The following GALNT13 variants were observed in gnomAD, a reference collection of about 807,000 sequenced individuals.
GALNT13 encodes UDP-GalNAc:polypeptide N-acetylgalactosaminyltransferase 13.
GALNT13 carries 28 observed loss-of-function variants against 64.2 expected under a neutral mutation model. That is an observed-to-expected ratio of 0.44 (90% CI 0.32 to 0.60). The LOEUF is 0.60. Ranked by LOEUF, GALNT13 falls within the 20% of genes least tolerant of loss-of-function variation. The pLI, the probability that GALNT13 is intolerant of heterozygous loss-of-function variation, is 0.05. For missense variants in GALNT13, 577 were observed against 669.8 expected (o/e 0.86, Z 1.53); for synonymous variants, 214 against 224.6 (o/e 0.95, Z 0.42).
the GALNT13 span, among the ~76,000 whole-genome samples, chr2:153,111,257 A>T: frequency 9.5e-3 from 1,444 of 152,210 alleles, 28 homozygotes; most frequent in African/African-American, 0.033. Flanking sequence ...TACCTTAGAA[A>T]TTCCTTTGAT....
chr2:153,328,034 T>C, the GALNT13 span, among the ~76,000 whole-genome samples: 1 of 152,050 alleles, frequency 6.6e-6, no homozygotes, highest in Non-Finnish European at 1.5e-5. Context: ...GTTAGTTTTT[T>C]GGTTTTTTTT....
At chr2:153,915,822 C>T (rs1307775514) in intron 2 of GALNT13, among the ~76,000 whole-genome samples, 1 of 152,094 alleles carries the variant, frequency 6.6e-6, no homozygotes, top group Non-Finnish European at 1.5e-5. Context: ...AATGCAATGA[C>T]AAATGAGGCA....
chr2:153,431,055 C>G, the GALNT13 span, among the ~76,000 whole-genome samples: 18 of 150,908 alleles, frequency 1.2e-4, no homozygotes, highest in African/African-American at 4.1e-4. Context: ...GAGGCTGAGG[C>G]AGGAGAATCA....
At chr2:154,404,113 C>A (rs1452540772) in intron 10 of GALNT13, among the ~76,000 whole-genome samples, 1 of 152,118 alleles carries the variant, frequency 6.6e-6, no homozygotes, top group Non-Finnish European at 1.5e-5. Context: ...TACATCCAGC[C>A]AGACTTGACT....
At chr2:153,354,171 A>T in the GALNT13 span, 1 of 152,172 alleles carries the variant, frequency 6.6e-6, no homozygotes, top group Admixed American at 6.5e-5. Context: ...TCAATTTTTT[A>T]ATGCAACAGA....
intron 9 of GALNT13, among the ~76,000 whole-genome samples, chr2:154,339,272 T>C (rs1407492078): frequency 6.6e-6 from 1 of 152,130 alleles, no homozygotes; most frequent in Non-Finnish European, 1.5e-5. Context: ...GTCTTCTACA[T>C]AGGATGGTTT....
the GALNT13 span, among the ~76,000 whole-genome samples, chr2:153,495,624 A>C: frequency 1.3e-5 from 2 of 152,242 alleles, no homozygotes; most frequent in African/African-American, 4.8e-5. Flanking sequence ...TGAATCTCAA[A>C]ATGCTGATTG....
At chr2:153,517,483 G>T in the GALNT13 span, among the ~76,000 whole-genome samples, 68 of 152,152 alleles carry the variant, frequency 4.5e-4, no homozygotes, top group Non-Finnish European at 9.0e-4. Flanking sequence ...GAAATGTTCA[G>T]AAGAGAGAGG....
the GALNT13 span, among the ~76,000 whole-genome samples, chr2:153,277,199 C>G: frequency 6.6e-6 from 1 of 152,128 alleles, no homozygotes; most frequent in Non-Finnish European, 1.5e-5. Flanking sequence ...CAATCCTTCC[C>G]CTTTCCTATA....
chr2:153,938,870 T>C (rs1297453078), intron 2 of GALNT13, among the ~76,000 whole-genome samples: 1 of 152,120 alleles, frequency 6.6e-6, no homozygotes, highest in Non-Finnish European at 1.5e-5. Flanking sequence ...CATTCTAAGA[T>C]ACTAGGGGTT....
At chr2:154,368,924 A>G (rs1219229402) in intron 9 of GALNT13, among the ~76,000 whole-genome samples, 3 of 152,206 alleles carry the variant, frequency 2.0e-5, no homozygotes, top group Non-Finnish European at 4.4e-5. Context: ...GCCTTAAACC[A>G]CAAGTCATCA....
intron 4 of GALNT13, among the ~76,000 whole-genome samples, chr2:154,162,050 G>T (rs965278100): frequency 2.6e-5 from 4 of 152,062 alleles, no homozygotes; most frequent in Non-Finnish European, 5.9e-5. Flanking sequence ...CAAAGTGGTG[G>T]GATTACAGGC....
chr2:153,356,697 G>C, the GALNT13 span: 7 of 151,774 alleles, frequency 4.6e-5, no homozygotes, highest in African/African-American at 9.7e-5. Context: ...CTTGTTGAGA[G>C]CCTGTGTATG....
intron 10 of GALNT13, among the ~76,000 whole-genome samples, chr2:154,401,511 C>A (rs1398920400): frequency 6.6e-6 from 1 of 152,080 alleles, no homozygotes; most frequent in South Asian, 2.1e-4. Context: ...GAATATGTCA[C>A]CCTTTATTGG....
the GALNT13 span, among the ~76,000 whole-genome samples, chr2:153,736,532 C>T: frequency 8.5e-5 from 13 of 152,136 alleles, no homozygotes; most frequent in African/African-American, 3.1e-4. Flanking sequence ...TCCTTGTGCC[C>T]TGTCAATGCA....
At chr2:153,206,644 A>G in the GALNT13 span, among the ~76,000 whole-genome samples, 1 of 152,074 alleles carries the variant, frequency 6.6e-6, no homozygotes, top group Non-Finnish European at 1.5e-5. Context: ...ATATAAGATT[A>G]GAAAGGACAA....
At chr2:154,438,546 A>G (rs1701113880) in intron 11 of GALNT13, 46 bp from the exon 12 acceptor site, 3 of 1,481,018 alleles carry the variant, frequency 2.0e-6, no homozygotes, top group Admixed American at 3.4e-5. Flanking sequence ...CTATTGTGAC[A>G]TTTTAAAACA....
the GALNT13 span, among the ~76,000 whole-genome samples, chr2:153,219,595 T>G: frequency 5.9e-5 from 9 of 152,246 alleles, no homozygotes; most frequent in African/African-American, 2.2e-4. Context: ...GTGTTGATAT[T>G]TGGCATCTGA....
In GALNT13 at chr2:154,275,935, GA is replaced by G. The variant is rs200733872; in HGVS notation, c.975+16799del. ...TGACCTGGATGTGAGACATGGAGTC[GA>G]AGAAGATCACTCTGTAACCTTAAGG... is the stretch of plus-strand genomic sequence containing the variant. On this transcript the variant is annotated intron_variant, in intron 8 of 12. Coordinates refer to ENST00000392825, the MANE Select transcript of GALNT13 (RefSeq NM_052917.4). Among the ~76,000 whole-genome samples the G allele has an allele frequency of 3.9e-3, 590 of 152,280 alleles. 4 individuals carry two copies. Among genetic ancestry groups the G allele is most frequent in the African/African-American group, 0.014 (564 of 41,560 alleles).
Sources: allele counts gnomAD v4.1 joint callset (sites outside exome capture counted in the v4.1 genomes callset), GRCh38; gene constraint gnomAD v4.1.1; transcripts MANE v1.5; gene names NCBI Gene and HGNC (gene_info 2026-07-23, HGNC 2026-07-21).